The following GPR132 variants were observed in gnomAD, a reference collection of about 807,000 sequenced individuals.
GPR132 encodes the protein G protein-coupled receptor 132.
In GPR132, 4 loss-of-function variants were observed where a neutral mutation model predicts 1.9. That is an observed-to-expected ratio of 2.13 (90% CI 1.05 to 4.87). The LOEUF (loss-of-function observed/expected upper bound fraction) is 4.87. Ranked by LOEUF, GPR132 falls within the 30% of genes most tolerant of loss-of-function variation. The pLI is 0.01. For missense variants in GPR132, 404 were observed against 512.5 expected (o/e 0.79, Z 2.04); for synonymous variants, 233 against 234.2 (o/e 0.99, Z 0.05).
In GPR132 at chr14:105,055,430, T is replaced by C; in HGVS notation, c.-10A>G. ...GTAGCATTGGGCACATTCACATTCT[T>C]CTGCAACCATCGCCAGCATCCGTCG... On this transcript the variant is annotated 5_prime_UTR_variant, in exon 3 of 4. Transcript: ENST00000329797. This position sits in a 1 kb window ranked among gnomAD's most constrained non-coding sequence, Gnocchi z 4.7. The C allele has an allele frequency of 2.6e-6, 2 of 780,682 alleles. No homozygotes were observed. Among genetic ancestry groups the C allele is most frequent in the Non-Finnish European group, 4.8e-6 (2 of 417,764 alleles). The allele number at this position is 780,682 out of a possible 1,614,324, so 48.4% of individuals were successfully genotyped here.
At chr14:105,061,539 G>T (rs1038914068) in intron 1 of GPR132, among the ~76,000 whole-genome samples, 3 of 152,166 alleles carry the variant, frequency 2.0e-5, no homozygotes, top group Non-Finnish European at 2.9e-5. Context: ...GTCCTGGCCC[G>T]GGGCCAGGGC....
intron 1 of GPR132, among the ~76,000 whole-genome samples, chr14:105,061,660 GGGGCTGGGTC>G (rs1886946361): frequency 6.6e-6 from 1 of 152,182 alleles, no homozygotes; most frequent in Non-Finnish European, 1.5e-5. Flanking sequence ...AGCTTCCCCT[GGGGCTGGGTC>G]TTCAAGTGGA....
chr14:105,051,546 G>A lies in GPR132; in HGVS notation c.591C>T (p.Ala197=), dbSNP rs978763450. The A allele has an allele frequency of 7.4e-6, 12 of 1,613,984 alleles. No individual in the cohort carries two copies. The highest frequency in any genetic ancestry group is 2.2e-5 in the East Asian group (1 of 44,872). The change falls in exon 4 of 4, where the codon GCC becomes GCT. Residue 197 remains alanine (A), a synonymous_variant. Coordinates refer to ENST00000329797, the MANE Select transcript of GPR132 (RefSeq NM_013345.4). The surrounding 1 kb of genome is among the most constrained non-coding windows in gnomAD (Gnocchi z 8.0). ...CGGTGAACCTGGCGTAGTAGTACCC[G>A]GCAATCCTGCTGTCCATCTGCAGCA... ...FDMLQMDSRI[A]GYYYARFTVG...
chr14:105,060,244 A>T lies in GPR132; in HGVS notation c.-860-2964T>A, dbSNP rs1165187551. Among the ~76,000 whole-genome samples the T allele has an allele frequency of 2.0e-5, 3 of 152,236 alleles. No individual in the cohort carries two copies. Among genetic ancestry groups the T allele is most frequent in the Admixed American group, 6.5e-5 (1 of 15,292 alleles). The stretch of plus-strand genomic sequence containing the variant: ...CTGCGCCCAGCTCCAAGGCCCAGCA[A>T]GAGATGCAGGGCTCTCTGGCCATGC... On this transcript the variant is annotated intron_variant, in intron 1 of 3. Transcript: ENST00000329797. This position sits in a 1 kb window ranked among gnomAD's most constrained non-coding sequence, Gnocchi z 6.3.
rs943458908 is a variant in GPR132 at position 105,060,787 on chromosome 14, C to T, written c.-860-3507G>A. Among the ~76,000 whole-genome samples, 2 of 152,228 alleles carry T rather than the reference C, an allele frequency of 1.3e-5. No homozygotes were observed. The highest frequency in any genetic ancestry group is 2.4e-5 in the African/African-American group (1 of 41,450). On this transcript the variant is annotated intron_variant, in intron 1 of 3. Coordinates refer to ENST00000329797, the MANE Select transcript of GPR132 (RefSeq NM_013345.4). This position sits in a 1 kb window ranked among gnomAD's most constrained non-coding sequence, Gnocchi z 6.3. Reference sequence around the variant, plus strand: ...GGTCCAGGGCTGTGCCGCCCAGTCACGCCAATGCCAGCCGGCAACCCTGGG... The same window carrying T: ...GGTCCAGGGCTGTGCCGCCCAGTCATGCCAATGCCAGCCGGCAACCCTGGG...
rs201333523 is a variant in GPR132, at chr14:105,051,621, G to T, written c.516C>A (p.Ile172=). ...CCGTCTGGAACACCGGGTAGTGAAC[G>T]ATCCCGACGAGGATGAAGATGCAGG... ...ISACIFILVG[I]VHYPVFQTED... is the part of the protein sequence containing the mutation. The change falls in exon 4 of 4, where the codon ATC becomes ATA. Residue 172 remains isoleucine (I), a synonymous_variant. Coordinates refer to ENST00000329797, the MANE Select transcript of GPR132 (RefSeq NM_013345.4). This position sits in a 1 kb window ranked among gnomAD's most constrained non-coding sequence, Gnocchi z 8.0. The T allele has an allele frequency of 8.1e-6, 13 of 1,614,010 alleles. No homozygotes were observed. Among genetic ancestry groups the T allele is most frequent in the Non-Finnish European group, 1.1e-5 (13 of 1,180,050 alleles).
In GPR132 at chr14:105,049,582, AT is replaced by A; in HGVS notation, c.*1411del. 1 of 152,134 alleles carries A rather than the reference AT, an allele frequency of 6.6e-6. No homozygotes were observed. Among genetic ancestry groups the A allele is most frequent in the Non-Finnish European group, 1.5e-5 (1 of 68,060 alleles). The allele number at this position is 152,134 out of a possible 1,614,324, so 9.4% of individuals were successfully genotyped here. ...GCCTTGTGCTTTTATTTCTAAACAC[AT>A]TTTCCTAATGTATTTTTCTGATGAC... On this transcript the variant is annotated 3_prime_UTR_variant, in exon 4 of 4. Transcript: ENST00000329797.
In GPR132 at chr14:105,060,939, G is replaced by A. The variant is rs1009443645; in HGVS notation, c.-860-3659C>T. Among the ~76,000 whole-genome samples, 36 of 152,258 alleles carry A rather than the reference G, an allele frequency of 2.4e-4. No homozygotes were observed. The highest frequency in any genetic ancestry group is 8.7e-4 in the African/African-American group (36 of 41,466). On this transcript the variant is annotated intron_variant, in intron 1 of 3. Transcript: ENST00000329797. This position sits in a 1 kb window ranked among gnomAD's most constrained non-coding sequence, Gnocchi z 6.3. ...CGAGGCCCCTCTGGGATCCAGGCCT[G>A]TATGTTGAGAGCAGAGACTAGCCAG...
rs1225143475 is a variant in GPR132 at position 105,056,115 on chromosome 14, C to T, written c.-695G>A. ...CTCCGGTCTCCCCACAGCCTCGCTG[C>T]GCTTGCTGGGTTTCTCCGGGTGAGT... On this transcript the variant is annotated 5_prime_UTR_variant, in exon 3 of 4. Coordinates refer to ENST00000329797, the MANE Select transcript of GPR132 (RefSeq NM_013345.4). This position sits in a 1 kb window ranked among gnomAD's most constrained non-coding sequence, Gnocchi z 6.0. 13 of 985,204 alleles carry T rather than the reference C, an allele frequency of 1.3e-5. No homozygotes were observed. The African/African-American group carries it at 1.9e-4, about 15-fold the overall frequency. 61.0% of individuals were successfully genotyped at this position (985,204 alleles called of 1,614,324 possible). A position where few individuals can be genotyped will look rare whatever the true frequency, so the allele number is the denominator to read the frequency against.
chr14:105,057,441 G>C, intron 1 of GPR132, 161 bp from the exon 2 acceptor site: 1 of 397,054 alleles, frequency 2.5e-6, no homozygotes, highest in Non-Finnish European at 4.5e-6. Flanking sequence ...TCCCACATGA[G>C]AAACACAAGC....
At chr14:105,064,386 T>G (rs1887028693) in intron 1 of GPR132, among the ~76,000 whole-genome samples, 1 of 152,004 alleles carries the variant, frequency 6.6e-6, no homozygotes, top group Admixed American at 6.5e-5. Context: ...CAGGCTAGAG[T>G]GCAATGGCGC....
chr14:105,051,463 CT>C lies in GPR132; in HGVS notation c.673del (p.Ser225AlafsTer8). On this transcript the variant is annotated frameshift_variant, in exon 4 of 4. Coordinates refer to ENST00000329797, the MANE Select transcript of GPR132 (RefSeq NM_013345.4). LOFTEE classifies it low-confidence loss of function (END_TRUNC). The surrounding 1 kb of genome is among the most constrained non-coding windows in gnomAD (Gnocchi z 8.0). Reference sequence around the variant, plus strand: ...GCTTAAGCCCATGCTCTGCTTGATGCTCCTGAAAATCCGGTGGTTGGTGAAG... The same window carrying C: ...GCTTAAGCCCATGCTCTGCTTGATGCCCTGAAAATCCGGTGGTTGGTGAAG... The part of the protein sequence containing the change: ...IAFTNHRIFR[S>X]IKQSMGLSAA... 1 of 1,614,052 alleles carries C rather than the reference CT, an allele frequency of 6.2e-7. No homozygotes were observed. Among genetic ancestry groups the C allele is most frequent in the Non-Finnish European group, 8.5e-7 (1 of 1,180,022 alleles).
At chr14:105,053,415 C>T (rs1886705666) in intron 3 of GPR132, among the ~76,000 whole-genome samples, 1 of 152,148 alleles carries the variant, frequency 6.6e-6, no homozygotes, top group South Asian at 2.1e-4. Flanking sequence ...CCTCCTTGGC[C>T]TCCCAAAGTG....
At chr14:105,054,301 A>G (rs1886727743) in intron 3 of GPR132, 1 of 1,067,202 alleles carries the variant, frequency 9.4e-7, no homozygotes, top group Non-Finnish European at 1.1e-6. Flanking sequence ...AACCTTCCAC[A>G]TGCAAATGTC....
intron 1 of GPR132, chr14:105,058,046 T>C (rs1869441902): frequency 6.6e-6 from 1 of 152,104 alleles, no homozygotes; most frequent in Non-Finnish European, 1.5e-5. Flanking sequence ...GAAAAGAAAG[T>C]TGATGAGCTT....
rs1886570996 is a variant in GPR132, at chr14:105,049,435, T to A, written c.*1559A>T. The A allele has an allele frequency of 1.3e-5, 2 of 151,902 alleles. No homozygotes were observed. 9.4% of individuals were successfully genotyped at this position (151,902 alleles called of 1,614,324 possible). A position where few individuals can be genotyped will look rare whatever the true frequency, so the allele number is the denominator to read the frequency against. ...TCTTTTATTTTTATGATTTTTTTAATACCAAAAAAAAGAGACAAGATTTTG... is the reference window on the plus strand; with the variant it reads ...TCTTTTATTTTTATGATTTTTTTAAAACCAAAAAAAAGAGACAAGATTTTG... On this transcript the variant is annotated 3_prime_UTR_variant, in exon 4 of 4. Transcript: ENST00000329797.
At position 105,051,766 on chromosome 14, in the gene GPR132, C is replaced by A. The variant is rs1555364500; in HGVS notation, c.371G>T (p.Cys124Phe). The A allele has an allele frequency of 2.5e-6, 4 of 1,614,202 alleles. No homozygotes were observed. In the South Asian group the frequency reaches 4.4e-5, roughly 18 times the overall value. ...GAAGAGGATGCTGACGTAGATGTTG[C>A]AGAAGAAGATGTAGGCGGTCACCTT... ...ACKVTAYIFF[C>F]NIYVSILFLC... Residue 124 changes from cysteine (C) to phenylalanine (F), a missense_variant, in exon 4 of 4, where the codon TGC (cysteine) becomes TTC (phenylalanine). Cys to Phe is a radical substitution (Grantham distance 205, BLOSUM62 -2). Transcript: ENST00000329797. This position sits in a 1 kb window ranked among gnomAD's most constrained non-coding sequence, Gnocchi z 8.0.
Position 105,051,718 on chromosome 14 carries a change from C to A in GPR132, c.419G>T (p.Arg140Leu). ...ILFLCCISCD[R>L]FVAVVYALES... ...CAGCGCGTACACCACGGCCACGAAG[C>A]GGTCGCAGGAGATGCAGCACAGGAA... The change falls in exon 4 of 4, where the codon CGC (arginine) becomes CTC (leucine). Residue 140 changes from arginine (R) to leucine (L), a missense_variant. By Grantham distance (102) the Arg-to-Leu change is moderately radical. Transcript: ENST00000329797. The surrounding 1 kb of genome is among the most constrained non-coding windows in gnomAD (Gnocchi z 8.0). The A allele has an allele frequency of 6.2e-7, 1 of 1,614,026 alleles. No homozygotes were observed. The highest frequency in any genetic ancestry group is 8.5e-7 in the Non-Finnish European group (1 of 1,180,028).
rs151125288 is a variant in GPR132 at position 105,052,072 on chromosome 14, G to A, written c.65C>T (p.Pro22Leu). Residue 22 changes from proline (P) to leucine (L), a missense_variant, in exon 4 of 4, where the codon CCG (proline) becomes CTG (leucine). By Grantham distance (98) the Pro-to-Leu change is moderately conservative. Coordinates refer to ENST00000329797, the MANE Select transcript of GPR132 (RefSeq NM_013345.4). ...GNATPVTTTA[P>L]WASLGLSAKT... ...GGCGGAGAGGCCCAGGGAGGCCCAC[G>A]GGGCAGTGGTGGTCACTGGGGTGGC... The A allele has an allele frequency of 5.3e-5, 85 of 1,589,098 alleles. No homozygotes were observed. In the African/African-American group the frequency reaches 8.2e-4, roughly 15 times the overall value.
Sources: allele counts gnomAD v4.1 joint callset (sites outside exome capture counted in the v4.1 genomes callset), GRCh38; gene constraint gnomAD v4.1.1; non-coding constraint Gnocchi (gnomAD v3.1); transcripts MANE v1.5; gene names NCBI Gene and HGNC (gene_info 2026-07-23, HGNC 2026-07-21).